Variants in TMC6 observed in about 807,000 individuals in gnomAD.
TMC6 encodes the protein transmembrane channel-like protein 6.
TMC6 carries 71 observed loss-of-function variants against 95.4 expected under a neutral mutation model. That is an observed-to-expected ratio of 0.74 (90% CI 0.61 to 0.91). The LOEUF is 0.91. Among genes scored for constraint, TMC6 ranks in the 40% least tolerant of loss-of-function variants. TMC6 has a pLI of 0.00. For missense variants in TMC6, 1,074 were observed against 1,079.1 expected (o/e 1.00, Z 0.07); for synonymous variants, 514 against 483.1 (o/e 1.06, Z -0.84).
chr17:78,124,220 C>A (rs764219684), intron 8 of TMC6, 41 bp from the exon 9 acceptor site: 2 of 1,606,744 alleles, frequency 1.2e-6, no homozygotes, highest in Non-Finnish European at 1.7e-6. Flanking sequence ...ACTTTCCCCA[C>A]GCCCCACCCG....
Position 78,124,965 on chromosome 17 carries a change from C to A in TMC6, c.557G>T (p.Arg186Met). 2 of 1,594,304 alleles carry A rather than the reference C, an allele frequency of 1.3e-6. No individual in the cohort carries two copies. Among genetic ancestry groups the A allele is most frequent in the Non-Finnish European group, 1.7e-6 (2 of 1,172,992 alleles). Reference sequence around the variant, plus strand: ...GCCCGGCTGGCCCCTCCACTTCCCCCTCGGGGTCCTGCTCTTCTCTCTGGG... The same window carrying A: ...GCCCGGCTGGCCCCTCCACTTCCCCATCGGGGTCCTGCTCTTCTCTCTGGG... ...RSLREKSRTPRGKWRGQPGSG... is the reference protein window; with the variant it reads ...RSLREKSRTPMGKWRGQPGSG... The change falls in exon 7 of 20, where the codon AGG becomes ATG. Residue 186 changes from arginine (R) to methionine (M), a missense_variant. Physicochemically the swap from Arg to Met is moderately conservative, Grantham distance 91 (BLOSUM62 -1). Coordinates refer to ENST00000590602, the MANE Select transcript of TMC6 (RefSeq NM_001127198.5).
In TMC6 at chr17:78,121,210, G is replaced by A; in HGVS notation, c.1384-46C>T. 6.4e-7 allele frequency: 1 copy of A among 1,550,544 alleles called. No individual in the cohort carries two copies. The highest frequency in any genetic ancestry group is 8.7e-7 in the Non-Finnish European group (1 of 1,149,744). ...GTGTCATGGAAGCCCCCCATCCATG[G>A]TGGGAGCGGGCAGCTACAGGGAAGG... On this transcript the variant is annotated intron_variant, in intron 11 of 19. Transcript: ENST00000590602. This position sits in a 1 kb window ranked among gnomAD's most constrained non-coding sequence, Gnocchi z 5.6.
chr17:78,124,899 G>T lies in TMC6; in HGVS notation c.623C>A (p.Ala208Asp). The change falls in exon 7 of 20, where the codon GCC (alanine) becomes GAC (aspartate). Residue 208 changes from alanine to aspartate, a missense_variant. Ala to Asp is a moderately radical substitution (Grantham distance 126). Coordinates refer to ENST00000590602, the MANE Select transcript of TMC6 (RefSeq NM_001127198.5). The stretch of plus-strand genomic sequence containing the variant: ...ACCAGGGGCCCATACCAGCACGCAG[G>T]CATATCTGAGCCGGCCACAGCAGGA... ...VCSCCGRLRY[A>D]CVLALHSLGL... The T allele has an allele frequency of 6.3e-7, 1 of 1,596,648 alleles. No homozygotes were observed.
Position 78,126,320 on chromosome 17 carries a change from C to T in TMC6, c.228G>A (p.Thr76=), listed in dbSNP as rs368129497. Residue 76 remains threonine, a synonymous_variant, in exon 4 of 20, where the codon ACG becomes ACA. Transcript: ENST00000590602. ...TLWRPEGTQS[T]ATLRILASMP... ...TGCTGGCCAGGATGCGGAGTGTGGC[C>T]GTGCTCTGGGTGCCCTCGGGCCGCC... The T allele has an allele frequency of 5.8e-5, 91 of 1,573,738 alleles. No individual in the cohort carries two copies. Among genetic ancestry groups the T allele is most frequent in the East Asian group, 2.3e-4 (10 of 42,920 alleles).
intron 15 of TMC6, among the ~76,000 whole-genome samples, chr17:78,118,539 A>G (rs2074249061): frequency 6.6e-6 from 1 of 150,874 alleles, no homozygotes. Flanking sequence ...CTGGGCGACA[A>G]AGCAAGACTC....
At chr17:78,131,317 A>C, upstream of TMC6, 2 of 568,484 alleles carry the variant, frequency 3.5e-6, no homozygotes, top group Non-Finnish European at 6.3e-6. Flanking sequence ...TGTCCCTCTG[A>C]GAGTTGGAGC....
rs1475345814 is a variant in TMC6 at position 78,108,400 on chromosome 17, C to T, written c.*4748G>A. 1 of 154,876 alleles carries T rather than the reference C, an allele frequency of 6.5e-6. No individual in the cohort carries two copies. Among genetic ancestry groups the T allele is most frequent in the Non-Finnish European group, 1.5e-5 (1 of 68,278 alleles). The allele number at this position is 154,876 out of a possible 1,614,324, so 9.6% of individuals were successfully genotyped here. On this transcript the variant is annotated 3_prime_UTR_variant, in exon 20 of 20. Transcript: ENST00000590602. Reference sequence around the variant, plus strand: ...GAAGCTGGGAATGAAACTCAAAATGCACTTGAACCTGGAAGCGGCAACCCT... The same window carrying T: ...GAAGCTGGGAATGAAACTCAAAATGTACTTGAACCTGGAAGCGGCAACCCT...
Position 78,109,431 on chromosome 17 carries a change from C to G in TMC6, c.*3717G>C. ...TCAGTGCTTCTCGGCGGAGCTGTGG[C>G]TGATGGGCTCCTGGTGCAGGACTGG... On this transcript the variant is annotated 3_prime_UTR_variant, in exon 20 of 20. Coordinates refer to ENST00000590602, the MANE Select transcript of TMC6 (RefSeq NM_001127198.5). 1 of 456,586 alleles carries G rather than the reference C, an allele frequency of 2.2e-6. No homozygotes were observed. Among genetic ancestry groups the G allele is most frequent in the Non-Finnish European group, 4.4e-6 (1 of 226,912 alleles). 28.3% of individuals were successfully genotyped at this position (456,586 alleles called of 1,614,324 possible). A position where few individuals can be genotyped will look rare whatever the true frequency, so the allele number is the denominator to read the frequency against.
upstream of TMC6, chr17:78,131,443 A>ACGC (rs967849773): frequency 2.6e-4 from 310 of 1,186,706 alleles, 1 homozygote; most frequent in African/African-American, 4.3e-3. Context: ...CCAGGCCCCG[A>ACGC]CGCCGGCGCA....
At chr17:78,115,053 A>G (rs2073991216) in intron 18 of TMC6, among the ~76,000 whole-genome samples, 3 of 152,204 alleles carry the variant, frequency 2.0e-5, no homozygotes, top group Admixed American at 2.0e-4. Context: ...CTACAGCCAG[A>G]CAACCACCGC....
chr17:78,115,137 T>C (rs1367647267), intron 18 of TMC6, among the ~76,000 whole-genome samples: 1 of 152,168 alleles, frequency 6.6e-6, no homozygotes, highest in Non-Finnish European at 1.5e-5. Context: ...TGTACTACAG[T>C]GTTTACAACC....
upstream of TMC6, chr17:78,131,435 A>G: frequency 1.9e-6 from 2 of 1,079,216 alleles, no homozygotes; most frequent in Non-Finnish European, 2.7e-6. Flanking sequence ...GCAGGAGCCC[A>G]GGCCCCGACG....
At chr17:78,117,742 G>A (rs2145081154) in intron 16 of TMC6, 60 bp downstream of exon 16, 1 of 1,578,152 alleles carries the variant, frequency 6.3e-7, no homozygotes, top group Non-Finnish European at 8.6e-7. Context: ...GGGCCCCCCA[G>A]GCACCACCAC....
Position 78,121,607 on chromosome 17 carries a change from G to A in TMC6, c.1332C>T (p.Thr444=), listed in dbSNP as rs373324506. The A allele has an allele frequency of 1.2e-4, 192 of 1,611,236 alleles. 1 individual carries two copies. The Admixed American group carries it at 1.7e-3, about 14-fold the overall frequency. The change falls in exon 11 of 20, where the codon ACC becomes ACT. Residue 444 remains threonine (T), a synonymous_variant. Coordinates refer to ENST00000590602, the MANE Select transcript of TMC6 (RefSeq NM_001127198.5). The surrounding 1 kb of genome is among the most constrained non-coding windows in gnomAD (Gnocchi z 5.6). ...GGACGGCCACGGCGCAGCCCAGCGC[G>A]GTCCCCAGACACAGCAGCCACACAA... ...LGLVWLLCLG[T]ALGCAVAVHV... is the part of the protein sequence containing the mutation.
upstream of TMC6, chr17:78,131,509 C>T (rs2074963874): frequency 6.6e-7 from 1 of 1,523,692 alleles, no homozygotes; most frequent in African/African-American, 1.4e-5. Flanking sequence ...ATAGCCAAGG[C>T]CTTAAGGCTC....
rs923723232 is a variant in TMC6 at position 78,113,312 on chromosome 17, C to T, written c.2355-101G>A. The T allele has an allele frequency of 2.3e-5, 31 of 1,366,458 alleles. 1 individual carries two copies. The highest frequency in any genetic ancestry group is 2.6e-5 in the Non-Finnish European group (26 of 999,542). 84.6% of individuals were successfully genotyped at this position (1,366,458 alleles called of 1,614,324 possible). The stretch of plus-strand genomic sequence containing the variant: ...CCCGGCGAGGGACAGGCCAGACGCC[C>T]CACAGCCTTTCTCCTGAGATGTATT... On this transcript the variant is annotated intron_variant, in intron 19 of 19. Coordinates refer to ENST00000590602, the MANE Select transcript of TMC6 (RefSeq NM_001127198.5).
chr17:78,132,347 C>T (rs763882289), upstream of TMC6: 1 of 1,612,646 alleles, frequency 6.2e-7, no homozygotes, highest in South Asian at 1.1e-5. Flanking sequence ...CCACCCTGCT[C>T]TCCCACTGCA....
At chr17:78,114,024 C>G in intron 18 of TMC6, 1 of 326,438 alleles carries the variant, frequency 3.1e-6, no homozygotes, top group South Asian at 2.5e-5. Flanking sequence ...GCTGTCGTAA[C>G]GAACTGTCAT....
In TMC6 at chr17:78,118,964, G is replaced by C; in HGVS notation, c.1887+7C>G. On this transcript the variant is annotated splice_region_variant and intron_variant, in intron 15 of 19. Coordinates refer to ENST00000590602, the MANE Select transcript of TMC6 (RefSeq NM_001127198.5). ...GCCCAGCCCTCCCCAGGCCTTGGCA[G>C]CCTCACCTTCTTGACATAGAAGACG... 1 of 1,593,772 alleles carries C rather than the reference G, an allele frequency of 6.3e-7. No individual in the cohort carries two copies. The highest frequency in any genetic ancestry group is 8.5e-7 in the Non-Finnish European group (1 of 1,170,344).
Sources: allele counts gnomAD v4.1 joint callset (sites outside exome capture counted in the v4.1 genomes callset), GRCh38; gene constraint gnomAD v4.1.1; non-coding constraint Gnocchi (gnomAD v3.1); transcripts MANE v1.5; gene names NCBI Gene and HGNC (gene_info 2026-07-23, HGNC 2026-07-21).